The following GABRG3 variants were observed in gnomAD, a reference collection of about 807,000 sequenced individuals.
GABRG3 encodes gamma-aminobutyric acid type A receptor subunit gamma3, also known as gamma-aminobutyric acid receptor subunit gamma-3.
GABRG3 carries 25 observed loss-of-function variants against 48.8 expected under a neutral mutation model. The observed-to-expected ratio is 0.51, with a 90% CI of 0.37 to 0.72. The LOEUF is 0.72. Ranked by LOEUF, GABRG3 falls within the 30% of genes least tolerant of loss-of-function variation. GABRG3 has a pLI of 0.00. For synonymous variants in GABRG3, 227 were observed against 217.6 expected, an observed-to-expected ratio of 1.04 and a Z score of -0.38; for missense variants, 394 against 577.9, an observed-to-expected ratio of 0.68 and a Z score of 3.26.
Position 27,520,087 on chromosome 15 carries a change from G to T in GABRG3, c.828G>T (p.Trp276Cys). ...LTVVLSWVSF[W>C]IKKDATPART... ...TGGTTTTATCCTGGGTGTCATTTTG[G>T]ATCAAAAAAGATGCTACGCCAGCAA... Residue 276 changes from tryptophan (W) to cysteine (C), a missense_variant, in exon 7 of 10, where the codon TGG (tryptophan) becomes TGT (cysteine). Physicochemically the swap from Trp to Cys is radical, Grantham distance 215. Transcript: ENST00000615808. 6.2e-7 allele frequency: 1 copy of T among 1,604,596 alleles called. No individual in the cohort carries two copies. The highest frequency in any genetic ancestry group is 1.3e-5 in the African/African-American group (1 of 74,878).
At position 27,502,471 on chromosome 15, in the gene GABRG3, G is replaced by A. The variant is rs567549037; in HGVS notation, c.713-17501G>A. ...TCAATACAGATTTCTGTGACCAAAT[G>A]TGTGGCTTTTTTCCCCAGATCTGAA... On this transcript the variant is annotated intron_variant, in intron 6 of 9. Coordinates refer to ENST00000615808, the MANE Select transcript of GABRG3 (RefSeq NM_033223.5). 5.9e-5 allele frequency among the ~76,000 whole-genome samples: 9 copies of A among 152,304 alleles called. No homozygotes were observed. The South Asian group carries it at 1.7e-3, about 28-fold the overall frequency.
rs529493016 is a variant in GABRG3, at chr15:27,022,474, A to G, written c.203-4280A>G. On this transcript the variant is annotated intron_variant, in intron 2 of 9. Coordinates refer to ENST00000615808, the MANE Select transcript of GABRG3 (RefSeq NM_033223.5). ...AGACACTTATTACCATATGAAGATC[A>G]TCAGGAGAGGGGCTGAGGCGAGTTT... Among the ~76,000 whole-genome samples the G allele has an allele frequency of 2.6e-5, 4 of 152,348 alleles. No homozygotes were observed. In the South Asian group the frequency reaches 8.3e-4, roughly 32 times the overall value.
At chr15:27,112,602 G>A (rs1897573222) in intron 3 of GABRG3, among the ~76,000 whole-genome samples, 2 of 151,734 alleles carry the variant, frequency 1.3e-5, no homozygotes, top group Non-Finnish European at 1.5e-5. Flanking sequence ...CACCACAGCC[G>A]CTAATTTTTG....
At chr15:27,237,878 G>A (rs1890022808) in intron 3 of GABRG3, among the ~76,000 whole-genome samples, 1 of 152,078 alleles carries the variant, frequency 6.6e-6, no homozygotes. Context: ...GTCTCTATGA[G>A]GATTAAGTGG....
At chr15:27,428,506 A>AC (rs1888357185) in intron 5 of GABRG3, among the ~76,000 whole-genome samples, 1 of 152,230 alleles carries the variant, frequency 6.6e-6, no homozygotes, top group Admixed American at 6.5e-5. Context: ...GAAGGAGCTA[A>AC]CCTCCAGTGA....
chr15:27,450,733 G>A (rs57856249), intron 5 of GABRG3, among the ~76,000 whole-genome samples: 115 of 151,834 alleles, frequency 7.6e-4, no homozygotes, highest in Non-Finnish European at 1.3e-3. Flanking sequence ...TGTCGGGGGT[G>A]GGGGGGTGGC....
chr15:27,474,591 G>A (rs1889879546), intron 5 of GABRG3, among the ~76,000 whole-genome samples: 1 of 152,136 alleles, frequency 6.6e-6, no homozygotes, highest in African/African-American at 2.4e-5. Flanking sequence ...CTGATCAAAT[G>A]CATTCACGAC....
chr15:27,039,127 G>T (rs1369977295), intron 3 of GABRG3, among the ~76,000 whole-genome samples: 2 of 152,184 alleles, frequency 1.3e-5, no homozygotes, highest in Non-Finnish European at 2.9e-5. Context: ...CAGAGGAGAC[G>T]CCAAGTCTGC....
intron 5 of GABRG3, among the ~76,000 whole-genome samples, chr15:27,342,356 C>T (rs1035477182): frequency 1.3e-5 from 2 of 152,230 alleles, no homozygotes; most frequent in African/African-American, 4.8e-5. Flanking sequence ...GTGAACTCAG[C>T]TCTTGTTGTC....
intron 3 of GABRG3, among the ~76,000 whole-genome samples, chr15:27,161,668 A>G: frequency 6.6e-6 from 1 of 152,174 alleles, no homozygotes. Flanking sequence ...TGAATATATT[A>G]GCATTCACAT....
At chr15:27,435,123 G>C (rs8033388) in intron 5 of GABRG3, among the ~76,000 whole-genome samples, 17,002 of 151,546 alleles carry the variant, frequency 0.11, 1,355 homozygotes, top group East Asian at 0.32. Context: ...AGTTTTCCTT[G>C]TCCTAAGGGT....
At position 27,014,753 on chromosome 15, in the gene GABRG3, G is replaced by A. The variant is rs369917244; in HGVS notation, c.203-12001G>A. On this transcript the variant is annotated intron_variant, in intron 2 of 9. Coordinates refer to ENST00000615808, the MANE Select transcript of GABRG3 (RefSeq NM_033223.5). ...AGAAGGTGTATTTTGCTGTTGTTGGGTGGAGTGTTCTGAATATGTCTGTTA... is the reference window on the plus strand; with the variant it reads ...AGAAGGTGTATTTTGCTGTTGTTGGATGGAGTGTTCTGAATATGTCTGTTA... Among the ~76,000 whole-genome samples, 20 of 152,258 alleles carry A rather than the reference G, an allele frequency of 1.3e-4. 1 individual carries two copies. The highest frequency in any genetic ancestry group is 4.8e-4 in the African/African-American group (20 of 41,554).
chr15:27,209,649 C>T (rs1889007193), intron 3 of GABRG3, among the ~76,000 whole-genome samples: 1 of 152,176 alleles, frequency 6.6e-6, no homozygotes, highest in South Asian at 2.1e-4. Context: ...CCTCCCTGGT[C>T]TTATACAGGG....
At chr15:27,396,507 A>G (rs1221985518) in intron 5 of GABRG3, among the ~76,000 whole-genome samples, 1 of 152,238 alleles carries the variant, frequency 6.6e-6, no homozygotes, top group Non-Finnish European at 1.5e-5. Context: ...AATGCTGGTG[A>G]GGATGTGGTG....
At chr15:27,235,100 A>G (rs536795727) in intron 3 of GABRG3, among the ~76,000 whole-genome samples, 1 of 152,344 alleles carries the variant, frequency 6.6e-6, no homozygotes, top group East Asian at 1.9e-4. Flanking sequence ...GTTGTAACTC[A>G]AAGAGGCTCC....
At chr15:27,459,843 CATTT>C (rs1325945739) in intron 5 of GABRG3, among the ~76,000 whole-genome samples, 2 of 152,186 alleles carry the variant, frequency 1.3e-5, no homozygotes, top group African/African-American at 4.8e-5. Flanking sequence ...TTTTCCCTCT[CATTT>C]CTTGCTAGCA....
intron 3 of GABRG3, among the ~76,000 whole-genome samples, chr15:27,308,630 T>TAATGTAAACATACGCTTATATATAAAC (rs1566774794): frequency 1.2e-3 from 53 of 45,186 alleles, no homozygotes; most frequent in Non-Finnish European, 3.3e-3. Flanking sequence ...TATATAAACA[T>TAATGTAAACATACGCTTATATATAAAC]ATAATGTAAA....
At chr15:27,356,475 C>G (rs1894846130) in intron 5 of GABRG3, among the ~76,000 whole-genome samples, 1 of 152,150 alleles carries the variant, frequency 6.6e-6, no homozygotes, top group African/African-American at 2.4e-5. Context: ...CTCGGCTCTT[C>G]TCTTCAGACT....
At chr15:27,440,788 A>G (rs913140173) in intron 5 of GABRG3, among the ~76,000 whole-genome samples, 3 of 152,252 alleles carry the variant, frequency 2.0e-5, no homozygotes, top group Non-Finnish European at 2.9e-5. Flanking sequence ...GGCAATATCA[A>G]TGGAACATAG....
Sources: allele counts gnomAD v4.1 joint callset (sites outside exome capture counted in the v4.1 genomes callset), GRCh38; gene constraint gnomAD v4.1.1; transcripts MANE v1.5; gene names NCBI Gene and HGNC (gene_info 2026-07-23, HGNC 2026-07-21).